Variants in RGPD3 observed in about 807,000 individuals in gnomAD.
RGPD3 encodes ranBP2-like and GRIP domain-containing protein 3.
A neutral mutation model predicts 154.5 loss-of-function variants in RGPD3; 62 were observed. The observed-to-expected ratio is 0.40, with a 90% CI of 0.33 to 0.50. The LOEUF is 0.50. Ranked by LOEUF, RGPD3 falls within the 20% of genes least tolerant of loss-of-function variation. The pLI is 0.59. For synonymous variants in RGPD3, 308 were observed against 607.0 expected, an observed-to-expected ratio of 0.51 and a Z score of 7.24; for missense variants, 919 against 1,716.8, an observed-to-expected ratio of 0.54 and a Z score of 8.21.
chr2:106,437,747 C>G (rs931969638), intron 9 of RGPD3, among the ~76,000 whole-genome samples: 1 of 151,268 alleles, frequency 6.6e-6, no homozygotes, highest in African/African-American at 2.4e-5. Flanking sequence ...CTTGGATGCC[C>G]AATAACAGAA....
intron 15 of RGPD3, 104 bp downstream of exon 15, chr2:106,434,124 A>G (rs1352868918): frequency 2.4e-5 from 38 of 1,591,864 alleles, no homozygotes; most frequent in Middle Eastern, 2.3e-4. Context: ...TAATAACAAC[A>G]TATTACTGAG....
intron 7 of RGPD3, among the ~76,000 whole-genome samples, chr2:106,444,691 T>A (rs1210842816): frequency 1.4e-5 from 2 of 147,432 alleles, no homozygotes; most frequent in Non-Finnish European, 3.0e-5. Context: ...CCAGGCATGG[T>A]GGCAGGCACC....
intron 22 of RGPD3, among the ~76,000 whole-genome samples, chr2:106,405,985 CTT>C (rs1442163343): frequency 6.7e-6 from 1 of 149,024 alleles, no homozygotes; most frequent in Non-Finnish European, 1.5e-5. Context: ...TATTTATTGT[CTT>C]TCTCTATTAA....
chr2:106,413,906 C>G (rs1050230631), intron 21 of RGPD3, among the ~76,000 whole-genome samples: 6 of 152,102 alleles, frequency 3.9e-5, no homozygotes, highest in African/African-American at 1.4e-4. Context: ...AAGATGTTCC[C>G]TCTGCCTTCT....
rs530222040 is a variant in RGPD3 at position 106,410,167 on chromosome 2, G to T, written c.5266+2917C>A. 5.3e-5 allele frequency among the ~76,000 whole-genome samples: 8 copies of T among 152,114 alleles called. No individual in the cohort carries two copies. The East Asian group carries it at 1.4e-3, about 26-fold the overall frequency. Reference sequence around the variant, plus strand: ...CTGGATTACAGGTGTGAGCCACCGTGCCAGGCCTTACATTCTCTCTCTTAA... The same window carrying T: ...CTGGATTACAGGTGTGAGCCACCGTTCCAGGCCTTACATTCTCTCTCTTAA... On this transcript the variant is annotated intron_variant, in intron 22 of 22. Transcript: ENST00000409886.
At chr2:106,466,322 G>T (rs1002700293) in intron 1 of RGPD3, among the ~76,000 whole-genome samples, 4 of 150,868 alleles carry the variant, frequency 2.7e-5, no homozygotes, top group African/African-American at 9.7e-5. Context: ...CCAGGGAGCA[G>T]CGCCCGTCAG....
intron 6 of RGPD3, among the ~76,000 whole-genome samples, chr2:106,450,690 A>T: frequency 1.3e-5 from 1 of 78,102 alleles, no homozygotes; most frequent in Non-Finnish European, 2.2e-5. Flanking sequence ...TGGGTGACAG[A>T]GCGAGACTCT....
rs367596784 is a variant in RGPD3 at position 106,468,342 on chromosome 2, C to T, written c.-54G>A. The T allele has an allele frequency of 9.0e-5, 140 of 1,563,552 alleles. No individual in the cohort carries two copies. The highest frequency in any genetic ancestry group is 1.0e-4 in the Non-Finnish European group (116 of 1,155,226). ...GTGAGACCAGCGCTCAGCCCCGCAG[C>T]AGTCGCCAATTCCAAGAGGAAAGCG... On this transcript the variant is annotated 5_prime_UTR_variant, in exon 1 of 23. Coordinates refer to ENST00000409886, the MANE Select transcript of RGPD3 (RefSeq NM_001144013.2).
chr2:106,407,708 T>A (rs1272233199), intron 22 of RGPD3, among the ~76,000 whole-genome samples: 1 of 152,260 alleles, frequency 6.6e-6, no homozygotes, highest in African/African-American at 2.4e-5. Flanking sequence ...TTCATCTCCT[T>A]AGGTAAATAA....
At chr2:106,470,277 A>T (rs988855755), upstream of RGPD3, among the ~76,000 whole-genome samples, 1 of 152,254 alleles carries the variant, frequency 6.6e-6, no homozygotes, top group Non-Finnish European at 1.5e-5. Flanking sequence ...TGAAGATACA[A>T]ATATCCATTA....
rs1287189411 is a variant in RGPD3 at position 106,466,936 on chromosome 2, G to C, written c.72+1281C>G. ...CAGAGCGCGCCAGGGAGCAGCGCCCGTCGGGAGCCATGACGCCTGAGCCAT... is the reference window on the plus strand; with the variant it reads ...CAGAGCGCGCCAGGGAGCAGCGCCCCTCGGGAGCCATGACGCCTGAGCCAT... On this transcript the variant is annotated intron_variant, in intron 1 of 22. Coordinates refer to ENST00000409886, the MANE Select transcript of RGPD3 (RefSeq NM_001144013.2). Among the ~76,000 whole-genome samples, 4 of 115,646 alleles carry C rather than the reference G, an allele frequency of 3.5e-5. 1 individual carries two copies. Among genetic ancestry groups the C allele is most frequent in the African/African-American group, 1.2e-4 (4 of 34,282 alleles). 75.9% of individuals were successfully genotyped at this position (115,646 alleles called of 152,430 possible). A position where few individuals can be genotyped will look rare whatever the true frequency, so the allele number is the denominator to read the frequency against.
At position 106,410,645 on chromosome 2, in the gene RGPD3, T is replaced by C. The variant is rs559337990; in HGVS notation, c.5266+2439A>G. Among the ~76,000 whole-genome samples, 13 of 152,324 alleles carry C rather than the reference T, an allele frequency of 8.5e-5. No individual in the cohort carries two copies. In the South Asian group the frequency reaches 2.7e-3, roughly 32 times the overall value. On this transcript the variant is annotated intron_variant, in intron 22 of 22. Transcript: ENST00000409886. ...CAAACGTTCTTAAAGTCCTGGTTAA[T>C]TTTATAACTATAAAATTAGTTATAA... is the stretch of plus-strand genomic sequence containing the variant.
chr2:106,463,338 T>C (rs1678460535), intron 1 of RGPD3, among the ~76,000 whole-genome samples: 1 of 152,270 alleles, frequency 6.6e-6, no homozygotes, highest in South Asian at 2.1e-4. Context: ...TAGCCGGGCA[T>C]GGTGGCGCAC....
At chr2:106,409,119 G>T (rs1257890622) in intron 22 of RGPD3, among the ~76,000 whole-genome samples, 1 of 152,146 alleles carries the variant, frequency 6.6e-6, no homozygotes, top group East Asian at 1.9e-4. Context: ...ATAAACATTT[G>T]CTTCCAAGGA....
Position 106,413,262 on chromosome 2 carries a change from T to C in RGPD3, c.5088A>G (p.Arg1696=). ...QIKLLKSEIR[R]LERNQEQEVS... is the part of the protein sequence containing the mutation. ...CCTCTTGCTCTTGATTCCTTTCCAATCTTCTTATTTCACTTTTGAGAAGCT... is the reference window on the plus strand; with the variant it reads ...CCTCTTGCTCTTGATTCCTTTCCAACCTTCTTATTTCACTTTTGAGAAGCT... The change falls in exon 22 of 23, where the codon AGA becomes AGG. Residue 1696 remains arginine, a synonymous_variant. Coordinates refer to ENST00000409886, the MANE Select transcript of RGPD3 (RefSeq NM_001144013.2). 1 of 1,611,574 alleles carries C rather than the reference T, an allele frequency of 6.2e-7. No homozygotes were observed. Among genetic ancestry groups the C allele is most frequent in the African/African-American group, 1.3e-5 (1 of 74,980 alleles).
chr2:106,419,531 C>A (rs952761595), intron 20 of RGPD3, among the ~76,000 whole-genome samples: 4 of 151,468 alleles, frequency 2.6e-5, no homozygotes, highest in African/African-American at 7.2e-5. Flanking sequence ...ACGGAGAACA[C>A]GAAACAAATC....
At chr2:106,466,854 C>T (rs1678619163) in intron 1 of RGPD3, among the ~76,000 whole-genome samples, 1 of 73,220 alleles carries the variant, frequency 1.4e-5, no homozygotes, top group African/African-American at 4.8e-5. Context: ...CCGTCGGGAG[C>T]CATGACGCCT....
chr2:106,441,497 T>A (rs1197377469), intron 7 of RGPD3, 117 bp from the exon 8 acceptor site: 101 of 1,078,048 alleles, frequency 9.4e-5, no homozygotes, highest in Middle Eastern at 3.1e-4. Context: ...TAACCATTAA[T>A]TAAACTGAAT....
intron 21 of RGPD3, among the ~76,000 whole-genome samples, 179 bp downstream of exon 21, chr2:106,415,671 T>C (rs1676804367): frequency 1.8e-5 from 1 of 56,584 alleles, no homozygotes; most frequent in Non-Finnish European, 3.1e-5. Context: ...AGCAAGACTG[T>C]CTCAAAAAAA....
Sources: allele counts gnomAD v4.1 joint callset (sites outside exome capture counted in the v4.1 genomes callset), GRCh38; gene constraint gnomAD v4.1.1; transcripts MANE v1.5; gene names NCBI Gene and HGNC (gene_info 2026-07-23, HGNC 2026-07-21).